Variants in STAG2 observed in about 807,000 individuals in gnomAD.
STAG2 encodes STAG2 cohesin complex component, also known as cohesin subunit SA-2.
A neutral mutation model predicts 108.1 loss-of-function variants in STAG2; 14 were observed. That is an observed-to-expected ratio of 0.13 (90% CI 0.09 to 0.20). The LOEUF (loss-of-function observed/expected upper bound fraction) is 0.20. Ranked by LOEUF, STAG2 falls within the 10% of genes least tolerant of loss-of-function variation. The probability of loss-of-function intolerance (pLI) is 1.00; values close to 1 mark genes in which losing one functional copy is unlikely to be tolerated. For missense variants in STAG2, 440 were observed against 940.9 expected, an observed-to-expected ratio of 0.47 and a Z score of 6.96; for synonymous variants, 307 against 302.7, an observed-to-expected ratio of 1.01 and a Z score of -0.15.
At chrX:124,029,008 TATA>T (rs1569507199) in intron 4 of STAG2, among the ~76,000 whole-genome samples, 2 of 97,370 alleles carry the variant, frequency 2.1e-5, no homozygotes, top group African/African-American at 7.7e-5. Flanking sequence ...TATATATATA[TATA>T]TATTTATTTA....
At chrX:124,022,474 T>C (rs767039080) in intron 2 of STAG2, 57 bp from the exon 3 acceptor site, 6 of 433,836 alleles carry the variant, frequency 1.4e-5, no homozygotes, top group Non-Finnish European at 2.3e-5. Context: ...AGTATGGATA[T>C]CCTTTCCGAA....
chrX:124,100,846 T>C lies in STAG2; in HGVS notation c.*249T>C. 1 of 261,755 alleles carries C rather than the reference T, an allele frequency of 3.8e-6. No individual in the cohort carries two copies. The highest frequency in any genetic ancestry group is 6.8e-6 in the Non-Finnish European group (1 of 147,582). 21.6% of individuals were successfully genotyped at this position (261,755 alleles called of 1,213,427 possible). A position where few individuals can be genotyped will look rare whatever the true frequency, so the allele number is the denominator to read the frequency against. On this transcript the variant is annotated 3_prime_UTR_variant, in exon 35 of 35. Coordinates refer to ENST00000371145, the MANE Select transcript of STAG2 (RefSeq NM_001042750.2). ...AGTAAATATTTTATTTATGCGCTGT[T>C]AGTTGGCTTTTGAATCGATTATTTC...
intron 1 of STAG2, among the ~76,000 whole-genome samples, chrX:124,005,744 T>C (rs1240181146): frequency 9.0e-6 from 1 of 111,631 alleles, no homozygotes; most frequent in Non-Finnish European, 1.9e-5. Context: ...TTTGGGTTTG[T>C]ATTAGTTTTT....
intron 6 of STAG2, among the ~76,000 whole-genome samples, chrX:124,039,200 G>T (rs1433427740): frequency 3.8e-5 from 4 of 106,648 alleles, no homozygotes; most frequent in African/African-American, 1.4e-4. Context: ...CTTTCATCCA[G>T]GCTGGAGTGT....
chrX:124,007,478 ATTTCTG>A (rs2056347654), intron 1 of STAG2, among the ~76,000 whole-genome samples: 1 of 111,295 alleles, frequency 9.0e-6, no homozygotes, highest in African/African-American at 3.3e-5. Context: ...AATTTCAGAA[ATTTCTG>A]TTTCTATGAC....
At chrX:123,999,924 T>A (rs1371339291) in intron 1 of STAG2, among the ~76,000 whole-genome samples, 1 of 108,763 alleles carries the variant, frequency 9.2e-6, no homozygotes, top group African/African-American at 3.3e-5. Flanking sequence ...ATAGTTTTTT[T>A]TTTTTTTTAT....
intron 1 of STAG2, among the ~76,000 whole-genome samples, chrX:123,984,428 C>G (rs1028549043): frequency 9.0e-6 from 1 of 111,088 alleles, no homozygotes; most frequent in African/African-American, 3.3e-5. Context: ...GCGTAATCAT[C>G]TTGTTTTATT....
Position 124,101,742 on chromosome X carries a change from A to G in STAG2, c.*1145A>G, listed in dbSNP as rs2059510218. On this transcript the variant is annotated 3_prime_UTR_variant, in exon 35 of 35. Transcript: ENST00000371145. ...ACAGGTTACAGTACATTTCCTCTGT[A>G]TGTAAATTAGATGGGATAATAGAAT... is the stretch of plus-strand genomic sequence containing the variant. 1.2e-5 allele frequency: 2 copies of G among 161,134 alleles called. No individual in the cohort carries two copies. Among genetic ancestry groups the G allele is most frequent in the South Asian group, 6.4e-4 (2 of 3,108 alleles). 13.3% of individuals were successfully genotyped at this position (161,134 alleles called of 1,213,427 possible). A position where few individuals can be genotyped will look rare whatever the true frequency, so the allele number is the denominator to read the frequency against.
intron 1 of STAG2, among the ~76,000 whole-genome samples, chrX:124,004,988 A>C (rs1030709788): frequency 8.9e-6 from 1 of 111,755 alleles, no homozygotes; most frequent in Non-Finnish European, 1.9e-5. Context: ...GATGATACCA[A>C]AATCCATGGA....
At chrX:123,991,964 CACA>C (rs1182973007) in intron 1 of STAG2, among the ~76,000 whole-genome samples, 1 of 113,052 alleles carries the variant, frequency 8.8e-6, no homozygotes, top group East Asian at 2.8e-4. Flanking sequence ...GACGCCTGGC[CACA>C]ACAACTATTT....
In STAG2 at chrX:124,066,169, T is replaced by TTTAAATTGCCCA; in HGVS notation, c.2097-5_2097-4insTAAATTGCCCAT. ...TTTTTTTTTTTTTTTTTTTTTTTTT[T>TTTAAATTGCCCA]TACAGTGCCCATGACCTTTCAAAGT... On this transcript the variant is annotated splice_polypyrimidine_tract_variant and splice_region_variant and intron_variant, in intron 21 of 34. Coordinates refer to ENST00000371145, the MANE Select transcript of STAG2 (RefSeq NM_001042750.2). 1.0e-6 allele frequency: 1 copy of TTTAAATTGCCCA among 987,406 alleles called. No homozygotes were observed. Among genetic ancestry groups the TTTAAATTGCCCA allele is most frequent in the Non-Finnish European group, 1.3e-6 (1 of 750,018 alleles). 81.4% of individuals were successfully genotyped at this position (987,406 alleles called of 1,213,427 possible).
intron 29 of STAG2, among the ~76,000 whole-genome samples, chrX:124,084,811 TAAG>T (rs2059059026): frequency 1.8e-5 from 2 of 112,364 alleles, no homozygotes; most frequent in Admixed American, 9.4e-5. Flanking sequence ...TAGGAAAAAT[TAAG>T]AAGTCTGATA....
At chrX:123,992,156 A>T (rs1432866238) in intron 1 of STAG2, among the ~76,000 whole-genome samples, 1 of 111,227 alleles carries the variant, frequency 9.0e-6, no homozygotes, top group Non-Finnish European at 1.9e-5. Flanking sequence ...ATACTGAGGG[A>T]TGACTGTATT....
rs1340621115 is a variant in STAG2 at position 124,047,424 on chromosome X, A to G, written c.738A>G (p.Arg246=). 8.3e-7 allele frequency: 1 copy of G among 1,208,113 alleles called. No individual in the cohort carries two copies. Among genetic ancestry groups the G allele is most frequent in the Non-Finnish European group, 1.1e-6 (1 of 892,912 alleles). The change falls in exon 9 of 35, where the codon AGA becomes AGG. Residue 246 remains arginine (R), a synonymous_variant. Transcript: ENST00000371145. ...GCATTAATATGGATAATACACAAAGACAATATGAAGCAGAACGGAATAAAA... is the reference window on the plus strand; with the variant it reads ...GCATTAATATGGATAATACACAAAGGCAATATGAAGCAGAACGGAATAAAA... ...NLSINMDNTQ[R]QYEAERNKMI...
In STAG2 at chrX:124,090,965, G is replaced by A; in HGVS notation, c.3578+1G>A. On this transcript the variant is annotated splice_donor_variant, in intron 32 of 34. Coordinates refer to ENST00000371145, the MANE Select transcript of STAG2 (RefSeq NM_001042750.2). LOFTEE classifies it high-confidence loss of function. Reference sequence around the variant, plus strand: ...TGCGAACTAATCTTCAGCATGCCATGTAAGTGAGAGTGCCTTATTGTCTGA... The same window carrying A: ...TGCGAACTAATCTTCAGCATGCCATATAAGTGAGAGTGCCTTATTGTCTGA... The A allele has an allele frequency of 8.7e-7, 1 of 1,144,493 alleles. No homozygotes were observed. Among genetic ancestry groups the A allele is most frequent in the Non-Finnish European group, 1.2e-6 (1 of 836,511 alleles). The allele number at this position is 1,144,493 out of a possible 1,213,427, so 94.3% of individuals were successfully genotyped here. A position where few individuals can be genotyped will look rare whatever the true frequency, so the allele number is the denominator to read the frequency against.
chrX:124,060,095 G>GC (rs2058336777), intron 15 of STAG2, among the ~76,000 whole-genome samples: 1 of 111,410 alleles, frequency 9.0e-6, no homozygotes, highest in Non-Finnish European at 1.9e-5. Flanking sequence ...TCCTCCCCCC[G>GC]CCAAAGGAGT....
chrX:124,102,025 G>C lies in STAG2; in HGVS notation c.*1428G>C, dbSNP rs948474460. Reference sequence around the variant, plus strand: ...ATGCCTTAATATGCTTGCAATACAAGAATATCTTCAGATGGGTGAATACCA... The same window carrying C: ...ATGCCTTAATATGCTTGCAATACAACAATATCTTCAGATGGGTGAATACCA... On this transcript the variant is annotated 3_prime_UTR_variant, in exon 35 of 35. Coordinates refer to ENST00000371145, the MANE Select transcript of STAG2 (RefSeq NM_001042750.2). 1 of 159,840 alleles carries C rather than the reference G, an allele frequency of 6.3e-6. No individual in the cohort carries two copies. The highest frequency in any genetic ancestry group is 3.0e-5 in the African/African-American group (1 of 33,226). The allele number at this position is 159,840 out of a possible 1,213,427, so 13.2% of individuals were successfully genotyped here.
chrX:124,061,451 T>G, intron 16 of STAG2, 110 bp downstream of exon 16: 1 of 558,069 alleles, frequency 1.8e-6, no homozygotes, highest in Non-Finnish European at 2.9e-6. Flanking sequence ...AGAAAAATCT[T>G]ACTTCGTGCA....
At chrX:124,042,442 A>G (rs1006053387) in intron 6 of STAG2, 127 bp from the exon 7 acceptor site, 2 of 445,369 alleles carry the variant, frequency 4.5e-6, no homozygotes, top group Non-Finnish European at 7.9e-6. Context: ...AGATTATTAG[A>G]TGATGGTTGA....
Sources: gnomAD v4.1 joint callset for allele counts (sites outside exome capture counted in the v4.1 genomes callset) on GRCh38, gnomAD v4.1.1 for gene constraint, MANE v1.5 for transcripts, NCBI Gene and HGNC (gene_info 2026-07-23, HGNC 2026-07-21) for gene names.